MAP2K4: variants seen among roughly 807,000 people sequenced by gnomAD.
The protein encoded by MAP2K4 is mitogen-activated protein kinase kinase 4, also known as dual specificity mitogen-activated protein kinase kinase 4.
MAP2K4 carries 4 observed loss-of-function variants against 48.5 expected under a neutral mutation model. The observed-to-expected ratio is 0.08, with a 90% CI of 0.04 to 0.19. MAP2K4 has a LOEUF of 0.19. MAP2K4 is among the 10% of genes least tolerant of loss of function. MAP2K4 has a pLI of 1.00. For missense variants in MAP2K4, 258 were observed against 493.3 expected (o/e 0.52, Z 4.52); for synonymous variants, 166 against 173.1 (o/e 0.96, Z 0.32).
intron 1 of MAP2K4, among the ~76,000 whole-genome samples, chr17:12,036,275 T>C (rs1969595884): frequency 1.3e-5 from 2 of 152,170 alleles, no homozygotes; most frequent in Non-Finnish European, 2.9e-5. Flanking sequence ...TATTTTTCCA[T>C]TTGTAAATGT....
At chr17:12,076,436 G>C (rs1306347276) in intron 2 of MAP2K4, among the ~76,000 whole-genome samples, 2 of 152,018 alleles carry the variant, frequency 1.3e-5, no homozygotes, top group African/African-American at 4.8e-5. Context: ...TAAGTTAACA[G>C]ATATATTTGT....
At chr17:12,048,324 G>A (rs1377677904) in intron 1 of MAP2K4, among the ~76,000 whole-genome samples, 1 of 151,972 alleles carries the variant, frequency 6.6e-6, no homozygotes, top group Non-Finnish European at 1.5e-5. Flanking sequence ...TATTATATTG[G>A]GCTTTCTAAA....
chr17:12,042,772 G>A (rs1404616530), intron 1 of MAP2K4, among the ~76,000 whole-genome samples: 1 of 152,222 alleles, frequency 6.6e-6, no homozygotes, highest in African/African-American at 2.4e-5. Context: ...TCTTGGCCAG[G>A]CGCAGTGGCT....
intron 1 of MAP2K4, among the ~76,000 whole-genome samples, chr17:12,021,814 A>G (rs866014255): frequency 3.3e-5 from 5 of 152,018 alleles, no homozygotes; most frequent in African/African-American, 1.2e-4. Context: ...TCAAAGTGAT[A>G]CTGTAGTGTC....
intron 2 of MAP2K4, among the ~76,000 whole-genome samples, chr17:12,066,367 A>G (rs929169528): frequency 2.0e-5 from 3 of 152,328 alleles, no homozygotes; most frequent in African/African-American, 7.2e-5. Context: ...AAAGCTTATT[A>G]TATGTCAGAA....
chr17:12,040,600 C>A (rs1969746574), intron 1 of MAP2K4, among the ~76,000 whole-genome samples: 2 of 152,134 alleles, frequency 1.3e-5, no homozygotes, highest in African/African-American at 4.8e-5. Context: ...AAATTAAGAT[C>A]AATCCCACAT....
chr17:12,051,115 C>A (rs1406359628), intron 1 of MAP2K4, among the ~76,000 whole-genome samples: 1 of 152,162 alleles, frequency 6.6e-6, no homozygotes, highest in East Asian at 1.9e-4. Flanking sequence ...AATGCCTAGG[C>A]CAGCCTCTGG....
intron 3 of MAP2K4, among the ~76,000 whole-genome samples, chr17:12,092,117 G>A (rs1374462810): frequency 6.6e-6 from 1 of 151,992 alleles, no homozygotes; most frequent in Non-Finnish European, 1.5e-5. Flanking sequence ...AGTATTTTAT[G>A]GTTTCCTGTA....
chr17:12,089,588 A>C (rs896360040), intron 3 of MAP2K4, among the ~76,000 whole-genome samples: 10 of 152,272 alleles, frequency 6.6e-5, no homozygotes, highest in African/African-American at 2.2e-4. Flanking sequence ...TTACTTTGGA[A>C]TACTCTACCT....
intron 9 of MAP2K4, among the ~76,000 whole-genome samples, chr17:12,132,686 G>A (rs754516416): frequency 2.0e-5 from 3 of 152,070 alleles, no homozygotes; most frequent in Non-Finnish European, 4.4e-5. Context: ...GCTCAGCATT[G>A]GGAAATGGTC....
intron 4 of MAP2K4, among the ~76,000 whole-genome samples, chr17:12,101,933 C>T (rs1408863031): frequency 6.6e-6 from 1 of 151,982 alleles, no homozygotes; most frequent in East Asian, 1.9e-4. Flanking sequence ...CTACATAGAT[C>T]ATCATTTTGT....
chr17:12,108,556 T>TTTTG (rs199726575), intron 5 of MAP2K4, among the ~76,000 whole-genome samples: 2 of 125,368 alleles, frequency 1.6e-5, no homozygotes, highest in Non-Finnish European at 3.6e-5. Context: ...GCTCTGAATC[T>TTTTG]TAATTTTTTT....
intron 9 of MAP2K4, among the ~76,000 whole-genome samples, chr17:12,135,533 C>T (rs1333933569): frequency 6.6e-6 from 1 of 152,076 alleles, no homozygotes; most frequent in African/African-American, 2.4e-5. Flanking sequence ...TGTACCTGGC[C>T]TGGATAAGCA....
At chr17:12,067,025 T>C (rs1480072590) in intron 2 of MAP2K4, among the ~76,000 whole-genome samples, 1 of 152,060 alleles carries the variant, frequency 6.6e-6, no homozygotes, top group African/African-American at 2.4e-5. Flanking sequence ...TTTCACCATG[T>C]TGGCCAGGCT....
At chr17:12,113,102 C>T (rs1223254472) in intron 6 of MAP2K4, 131 bp from the exon 7 acceptor site, 1 of 634,308 alleles carries the variant, frequency 1.6e-6, no homozygotes, top group Non-Finnish European at 2.7e-6. Flanking sequence ...TGTTTTACTT[C>T]TTATATATCT....
intron 4 of MAP2K4, among the ~76,000 whole-genome samples, chr17:12,100,494 T>C (rs1048377495): frequency 3.3e-5 from 5 of 152,216 alleles, no homozygotes; most frequent in Non-Finnish European, 7.4e-5. Context: ...GTTTTCAGTT[T>C]TTGTCTGTTA....
intron 5 of MAP2K4, among the ~76,000 whole-genome samples, chr17:12,109,363 A>T (rs1355389614): frequency 2.6e-5 from 4 of 152,206 alleles, no homozygotes; most frequent in African/African-American, 9.6e-5. Flanking sequence ...TTAAGCACAC[A>T]TGTAAAATAC....
chr17:12,082,365 A>G (rs1337233188), intron 3 of MAP2K4, among the ~76,000 whole-genome samples: 1 of 152,194 alleles, frequency 6.6e-6, no homozygotes, highest in African/African-American at 2.4e-5. Context: ...CAAAGGAAAA[A>G]AAGCTAGCTG....
intron 6 of MAP2K4, 30 bp downstream of exon 6, chr17:12,110,456 G>T: frequency 1.3e-6 from 2 of 1,507,018 alleles, no homozygotes; most frequent in South Asian, 2.3e-5. Context: ...TTTTGTAATA[G>T]AAATTAACTT....
Sources: allele counts gnomAD v4.1 joint callset (sites outside exome capture counted in the v4.1 genomes callset), GRCh38; gene constraint gnomAD v4.1.1; transcripts MANE v1.5; gene names NCBI Gene and HGNC (gene_info 2026-07-23, HGNC 2026-07-21).